The following HDGFL3 variants were observed in gnomAD, a reference collection of about 807,000 sequenced individuals.
HDGFL3 encodes the protein hepatoma-derived growth factor-related protein 3.
A neutral mutation model predicts 27.6 loss-of-function variants in HDGFL3; 6 were observed. The observed-to-expected ratio is 0.22, with a 90% CI of 0.12 to 0.43. The LOEUF is 0.43. HDGFL3 is among the 20% of genes least tolerant of loss of function. The pLI is 1.00. For synonymous variants in HDGFL3, 88 were observed against 88.9 expected, an observed-to-expected ratio of 0.99 and a Z score of 0.05; for missense variants, 207 against 250.1, an observed-to-expected ratio of 0.83 and a Z score of 1.16.
At chr15:83,120,210 T>C in intron 3 of HDGFL3, 1 of 158,384 alleles carries the variant, frequency 6.3e-6, no homozygotes, top group Non-Finnish European at 1.4e-5. Flanking sequence ...GGTGCTGGTT[T>C]TTGGGTATTG....
chr15:83,131,606 C>A lies in HDGFL3; in HGVS notation c.*7664G>T, dbSNP rs540733694. On this transcript the variant is annotated 3_prime_UTR_variant, in exon 6 of 6. Coordinates refer to ENST00000299633, the MANE Select transcript of HDGFL3 (RefSeq NM_016073.4). ...AAGATCACGCCCACTACACTGCAGC[C>A]TGGGTGACAGAGCAAGACTGTCTCA... The A allele has an allele frequency of 2.0e-5, 3 of 152,372 alleles. No homozygotes were observed. The highest frequency in any genetic ancestry group is 2.9e-5 in the Non-Finnish European group (2 of 68,298). The allele number at this position is 152,372 out of a possible 1,614,324, so 9.4% of individuals were successfully genotyped here.
intron 1 of HDGFL3, among the ~76,000 whole-genome samples, chr15:83,172,348 C>G (rs925287721): frequency 2.0e-5 from 3 of 152,150 alleles, no homozygotes; most frequent in Non-Finnish European, 4.4e-5. Context: ...ATAAATTTCA[C>G]AATTCATCCT....
In HDGFL3 at chr15:83,164,625, G is replaced by T. The variant is rs1334916573; in HGVS notation, c.85-550C>A. On this transcript the variant is annotated intron_variant, in intron 1 of 5. Transcript: ENST00000299633. ...TATGTCACTTCCTTACTTCAAATCT[G>T]TCTATAGCTTCTCATTGCTTACAGC... Among the ~76,000 whole-genome samples the T allele has an allele frequency of 2.0e-5, 3 of 152,072 alleles. No individual in the cohort carries two copies. In the East Asian group the frequency reaches 5.8e-4, roughly 29 times the overall value.
intron 1 of HDGFL3, chr15:83,184,780 A>T (rs995558055): frequency 3.9e-5 from 6 of 152,222 alleles, no homozygotes; most frequent in African/African-American, 1.4e-4. Flanking sequence ...ATGAAATGAG[A>T]TGTCAATATG....
At chr15:83,154,349 A>G (rs573557862) in intron 4 of HDGFL3, among the ~76,000 whole-genome samples, 1 of 151,680 alleles carries the variant, frequency 6.6e-6, no homozygotes, top group Non-Finnish European at 1.5e-5. Flanking sequence ...ACAAAGAAAA[A>G]AAAAAAAAAG....
At chr15:83,188,173 A>G (rs190221580) in intron 1 of HDGFL3, among the ~76,000 whole-genome samples, 45 of 152,320 alleles carry the variant, frequency 3.0e-4, no homozygotes, top group African/African-American at 8.4e-4. Flanking sequence ...GCATCTTTTC[A>G]TAAGTTTACT....
At chr15:83,153,143 G>C (rs1168769915) in intron 4 of HDGFL3, among the ~76,000 whole-genome samples, 2 of 151,890 alleles carry the variant, frequency 1.3e-5, no homozygotes, top group Non-Finnish European at 2.9e-5. Context: ...GGGACTATAG[G>C]TACCTGCCAC....
Position 83,150,514 on chromosome 15 carries a change from G to A in HDGFL3, c.606+701C>T, listed in dbSNP as rs1200691969. 4.6e-5 allele frequency among the ~76,000 whole-genome samples: 7 copies of A among 152,210 alleles called. No individual in the cohort carries two copies. In the East Asian group the frequency reaches 1.4e-3, roughly 29 times the overall value. On this transcript the variant is annotated intron_variant, in intron 5 of 5. Coordinates refer to ENST00000299633, the MANE Select transcript of HDGFL3 (RefSeq NM_016073.4). The stretch of plus-strand genomic sequence containing the variant: ...AAGAAAAGAGTTGAGAGGTAAACAG[G>A]ACTGACATGAACAGGCAAGAACTCT...
At chr15:83,187,362 ACT>A (rs1263166293) in intron 1 of HDGFL3, among the ~76,000 whole-genome samples, 1 of 148,276 alleles carries the variant, frequency 6.7e-6, no homozygotes, top group Non-Finnish European at 1.5e-5. Flanking sequence ...GTGGAGAACT[ACT>A]CTCTGTGTGT....
chr15:83,151,244 T>C lies in HDGFL3; in HGVS notation c.577A>G (p.Thr193Ala), dbSNP rs1275477672. ...TCACTGGTTTTCTGCAAGTCTGAAG[T>C]TGTGTTTCTTGTGTCGTTGCCCGCA... ...GDAGNDTRNT[T>A]SDLQKTSEGT The change falls in exon 5 of 6, where the codon ACT becomes GCT. Residue 193 changes from threonine (T) to alanine (A), a missense_variant. Physicochemically the swap from Thr to Ala is moderately conservative, Grantham distance 58. Transcript: ENST00000299633. The C allele has an allele frequency of 3.1e-6, 5 of 1,613,004 alleles. No homozygotes were observed. The highest frequency in any genetic ancestry group is 4.2e-6 in the Non-Finnish European group (5 of 1,179,796).
At chr15:83,126,533 A>G (rs182612269), downstream of HDGFL3, among the ~76,000 whole-genome samples, 36 of 152,282 alleles carry the variant, frequency 2.4e-4, no homozygotes, top group Non-Finnish European at 4.6e-4. Context: ...AATACCCAAG[A>G]ATAGGGCATT....
At chr15:83,126,676 C>A, downstream of HDGFL3, 19 of 1,136,742 alleles carry the variant, frequency 1.7e-5, no homozygotes, top group Non-Finnish European at 2.3e-5. Context: ...GTGACTAAAC[C>A]TGGCACATTT....
rs1342909825 is a variant in HDGFL3, at chr15:83,137,464, T to TC, written c.*1805dup. On this transcript the variant is annotated 3_prime_UTR_variant, in exon 6 of 6. Coordinates refer to ENST00000299633, the MANE Select transcript of HDGFL3 (RefSeq NM_016073.4). ...TTCCAATTCAAAATGCCATCTACAT[T>TC]CCCCTTATGTTTCAGTGTGAGCAAT... is the stretch of plus-strand genomic sequence containing the variant. 24 of 152,286 alleles carry TC rather than the reference T, an allele frequency of 1.6e-4. No homozygotes were observed. In the East Asian group the frequency reaches 4.6e-3, roughly 29 times the overall value. 9.4% of individuals were successfully genotyped at this position (152,286 alleles called of 1,614,324 possible). A position where few individuals can be genotyped will look rare whatever the true frequency, so the allele number is the denominator to read the frequency against.
chr15:83,180,056 A>C (rs1470453896), intron 1 of HDGFL3, among the ~76,000 whole-genome samples: 1 of 151,982 alleles, frequency 6.6e-6, no homozygotes, highest in Non-Finnish European at 1.5e-5. Context: ...ACTACAGCTG[A>C]AACAGTAGAT....
chr15:83,184,469 T>A (rs775100233), intron 1 of HDGFL3, among the ~76,000 whole-genome samples: 6 of 152,220 alleles, frequency 3.9e-5, no homozygotes, highest in Non-Finnish European at 8.8e-5. Context: ...CTTAATTCTA[T>A]AATTAGATAT....
rs533634906 is a variant in HDGFL3, at chr15:83,204,129, T to C, written c.84+3202A>G. On this transcript the variant is annotated intron_variant, in intron 1 of 5. Coordinates refer to ENST00000299633, the MANE Select transcript of HDGFL3 (RefSeq NM_016073.4). ...CTACCAGAAAGAGGCATGAGAGTAC[T>C]TTCGTAGGCACTGTTCTATACCTTG... 6.5e-4 allele frequency among the ~76,000 whole-genome samples: 99 copies of C among 151,220 alleles called. 1 individual carries two copies. The highest frequency in any genetic ancestry group is 2.2e-3 in the African/African-American group (92 of 41,152).
chr15:83,169,003 A>C (rs1322055348), intron 1 of HDGFL3, among the ~76,000 whole-genome samples: 2 of 152,214 alleles, frequency 1.3e-5, no homozygotes, highest in Non-Finnish European at 1.5e-5. Flanking sequence ...TCACCACATA[A>C]ACAGAATTAA....
intron 1 of HDGFL3, chr15:83,185,915 C>T (rs982655808): frequency 6.6e-6 from 1 of 152,260 alleles, no homozygotes; most frequent in African/African-American, 2.4e-5. Flanking sequence ...TGCTCTCTTG[C>T]TTGTCCGCTC....
chr15:83,164,044 G>A lies in HDGFL3; in HGVS notation c.116C>T (p.Pro39Leu). The change falls in exon 2 of 6, where the codon CCT becomes CTT. Residue 39 changes from proline (P) to leucine (L), a missense_variant. Physicochemically the swap from Pro to Leu is moderately conservative, Grantham distance 98. Transcript: ENST00000299633. ...GAAGATAGGATACTTGTTTGCTGGA[G>A]GCTTCACAGCGCCCTCTGGGAGTTC... Reference protein sequence around the residue: ...IDELPEGAVKPPANKYPIFFF... With the variant: ...IDELPEGAVKLPANKYPIFFF... The A allele has an allele frequency of 6.2e-7, 1 of 1,610,916 alleles. No homozygotes were observed. Among genetic ancestry groups the A allele is most frequent in the Non-Finnish European group, 8.5e-7 (1 of 1,178,948 alleles).
Sources: gnomAD v4.1 joint callset for allele counts (sites outside exome capture counted in the v4.1 genomes callset) on GRCh38, gnomAD v4.1.1 for gene constraint, MANE v1.5 for transcripts, NCBI Gene and HGNC (gene_info 2026-07-23, HGNC 2026-07-21) for gene names.